The following MYO1B variants were observed in gnomAD, a reference collection of about 807,000 sequenced individuals.
The protein encoded by MYO1B is myosin IB, also known as unconventional myosin-Ib.
In MYO1B, 72 loss-of-function variants were observed where a neutral mutation model predicts 159.7. That is an observed-to-expected ratio of 0.45 (90% CI 0.37 to 0.55). The LOEUF (loss-of-function observed/expected upper bound fraction) is 0.55. Among genes scored for constraint, MYO1B ranks in the 20% least tolerant of loss-of-function variants. The probability of loss-of-function intolerance (pLI) is 0.00; values close to 1 mark genes in which losing one functional copy is unlikely to be tolerated. For synonymous variants in MYO1B, 468 were observed against 473.8 expected, an observed-to-expected ratio of 0.99 and a Z score of 0.16; for missense variants, 1,062 against 1,364.8, an observed-to-expected ratio of 0.78 and a Z score of 3.50.
Position 191,330,010 on chromosome 2 carries a change from A to T in MYO1B, c.327A>T (p.Glu109Asp), listed in dbSNP as rs764502927. ...ACCAATGTATTCTCATTACTGGGGAAAGTGGAGCAGGAAAAACAGGTAAGG... is the reference window on the plus strand; with the variant it reads ...ACCAATGTATTCTCATTACTGGGGATAGTGGAGCAGGAAAAACAGGTAAGG... ...DKDQCILITGESGAGKTEASK... is the reference protein window; with the variant it reads ...DKDQCILITGDSGAGKTEASK... Residue 109 changes from glutamate (E) to aspartate (D), a missense_variant, in exon 4 of 31, where the codon GAA becomes GAT. Coordinates refer to ENST00000392318, the MANE Select transcript of MYO1B (RefSeq NM_001130158.3). 6.2e-7 allele frequency: 1 copy of T among 1,612,056 alleles called. No individual in the cohort carries two copies. The highest frequency in any genetic ancestry group is 1.1e-5 in the South Asian group (1 of 90,914).
At chr2:191,378,741 T>C (rs1163374530) in intron 13 of MYO1B, among the ~76,000 whole-genome samples, 1 of 151,932 alleles carries the variant, frequency 6.6e-6, no homozygotes, top group African/African-American at 2.4e-5. Context: ...GGGGGTGGTA[T>C]GGAGAGAGAA....
intron 30 of MYO1B, chr2:191,416,504 G>A: frequency 4.8e-6 from 2 of 415,346 alleles, no homozygotes; most frequent in Non-Finnish European, 8.7e-6. Context: ...TGTTTATGGA[G>A]GAAAAAAAGG....
Position 191,387,315 on chromosome 2 carries a change from T to C in MYO1B, c.1646T>C (p.Leu549Pro), listed in dbSNP as rs780143808. Residue 549 changes from leucine to proline, a missense_variant, in exon 17 of 31, where the codon CTC becomes CCC. Leu to Pro is a moderately conservative substitution (Grantham distance 98, BLOSUM62 -3). This residue lies in a region of MYO1B where 609 missense variants were observed against 744.4 expected (regional missense o/e 0.82). Coordinates refer to ENST00000392318, the MANE Select transcript of MYO1B (RefSeq NM_001130158.3). ...SQAMWKASHA[L>P]IKSLFPEGNP... ...GCCATGTGGAAGGCCAGCCATGCCC[T>C]CATCAAGTCTTTGTTCCCCGAAGGG... The C allele has an allele frequency of 1.2e-6, 2 of 1,614,194 alleles. No individual in the cohort carries two copies. Among genetic ancestry groups the C allele is most frequent in the Non-Finnish European group, 1.7e-6 (2 of 1,180,030 alleles).
intron 3 of MYO1B, among the ~76,000 whole-genome samples, chr2:191,310,860 A>G (rs1184920307): frequency 6.6e-6 from 1 of 152,214 alleles, no homozygotes; most frequent in African/African-American, 2.4e-5. Context: ...TATGTGTGTA[A>G]ATGCAATTTT....
intron 2 of MYO1B, among the ~76,000 whole-genome samples, chr2:191,286,980 G>A (rs1030870819): frequency 2.6e-5 from 4 of 152,250 alleles, no homozygotes; most frequent in Admixed American, 1.3e-4. Context: ...TTTTTAAGAC[G>A]CTGGTGTGGT....
chr2:191,402,531 A>T, intron 23 of MYO1B, 101 bp from the exon 24 acceptor site: 1 of 942,086 alleles, frequency 1.1e-6, no homozygotes, highest in Admixed American at 2.0e-5. Context: ...TGAAATCCTT[A>T]TTCATAAATT....
chr2:191,358,745 G>A (rs919242213), intron 7 of MYO1B, among the ~76,000 whole-genome samples: 4 of 152,228 alleles, frequency 2.6e-5, no homozygotes, highest in Non-Finnish European at 5.9e-5. Context: ...AAGGTGAGAG[G>A]ACAGCAGCTC....
chr2:191,275,537 G>A (rs1230042079), intron 1 of MYO1B, among the ~76,000 whole-genome samples: 5 of 152,146 alleles, frequency 3.3e-5, no homozygotes, highest in Non-Finnish European at 7.4e-5. Flanking sequence ...AAGACCTACT[G>A]GATGTTCTAG....
At chr2:191,369,160 A>G (rs527932168) in intron 11 of MYO1B, among the ~76,000 whole-genome samples, 1 of 152,272 alleles carries the variant, frequency 6.6e-6, no homozygotes, top group South Asian at 2.1e-4. Context: ...CCATTTCATT[A>G]CCTGATTTTC....
At chr2:191,261,145 C>T (rs1482519884) in intron 1 of MYO1B, among the ~76,000 whole-genome samples, 1 of 152,160 alleles carries the variant, frequency 6.6e-6, no homozygotes, top group East Asian at 1.9e-4. Context: ...AGTTTCTTTT[C>T]CCACCAGTTG....
chr2:191,286,408 A>G (rs1297416025), intron 2 of MYO1B, among the ~76,000 whole-genome samples: 1 of 152,150 alleles, frequency 6.6e-6, no homozygotes, highest in African/African-American at 2.4e-5. Context: ...GTCTAATTAA[A>G]AACACCGTGG....
chr2:191,272,078 T>G (rs116451172), intron 1 of MYO1B, among the ~76,000 whole-genome samples: 32 of 152,360 alleles, frequency 2.1e-4, no homozygotes, highest in African/African-American at 6.3e-4. Flanking sequence ...ATTTTAACTT[T>G]GCAAAAGATA....
intron 1 of MYO1B, among the ~76,000 whole-genome samples, chr2:191,258,169 A>G (rs897934933): frequency 5.3e-5 from 8 of 152,370 alleles, no homozygotes; most frequent in African/African-American, 1.7e-4. Flanking sequence ...TGGGACAGAC[A>G]ACCGTATACA....
chr2:191,307,577 G>C (rs764917866), intron 3 of MYO1B, among the ~76,000 whole-genome samples: 1 of 152,064 alleles, frequency 6.6e-6, no homozygotes, highest in Non-Finnish European at 1.5e-5. Context: ...GAGTTGCTCT[G>C]GTTCGAACAC....
chr2:191,386,177 C>A, intron 16 of MYO1B, 93 bp downstream of exon 16: 1 of 1,147,178 alleles, frequency 8.7e-7, no homozygotes, highest in Non-Finnish European at 1.3e-6. Flanking sequence ...ACCCCATTAA[C>A]TTGTGAGGAC....
Position 191,409,831 on chromosome 2 carries a change from G to A in MYO1B, c.2766+653G>A, listed in dbSNP as rs566984308. Among the ~76,000 whole-genome samples the A allele has an allele frequency of 2.6e-5, 4 of 152,226 alleles. No individual in the cohort carries two copies. In the East Asian group the frequency reaches 7.7e-4, roughly 29 times the overall value. The stretch of plus-strand genomic sequence containing the variant: ...CTTGTATAGATGTTGACCTTACTTC[G>A]ATAACCTAGTCAGTTGATATGTGGA... On this transcript the variant is annotated intron_variant, in intron 26 of 30. Coordinates refer to ENST00000392318, the MANE Select transcript of MYO1B (RefSeq NM_001130158.3).
At chr2:191,398,611 G>A (rs899988303) in intron 21 of MYO1B, among the ~76,000 whole-genome samples, 6 of 146,800 alleles carry the variant, frequency 4.1e-5, no homozygotes, top group South Asian at 2.2e-4. Flanking sequence ...CAGCAGAGGC[G>A]CTCCTCACAT....
In MYO1B at chr2:191,350,234, T is replaced by A; in HGVS notation, c.562+9T>A. The A allele has an allele frequency of 6.2e-7, 1 of 1,604,048 alleles. No homozygotes were observed. ...AGGAGTAATAAGTAACTGTGAGTAT[T>A]TTTCTTCAGTCCTTGTAAAGAAGTT... On this transcript the variant is annotated intron_variant, in intron 7 of 30. Coordinates refer to ENST00000392318, the MANE Select transcript of MYO1B (RefSeq NM_001130158.3).
rs775636039 is a variant in MYO1B, at chr2:191,416,196, A to G, written c.3241A>G (p.Thr1081Ala). ...AATGGCCACCAAGCTCTATCGCACA[A>G]CTCTCAGCCAAACCAAACAGAAGCT... is the stretch of plus-strand genomic sequence containing the variant. ...IEMATKLYRT[T>A]LSQTKQKLNI... Residue 1081 changes from threonine (T) to alanine (A), a missense_variant, in exon 30 of 31, where the codon ACT becomes GCT. By Grantham distance (58) the Thr-to-Ala change is moderately conservative. Around this residue, in one of 5 missense-constraint regions of MYO1B, gnomAD observed 609 missense variants for 744.4 expected, o/e 0.82. Transcript: ENST00000392318. 6.2e-7 allele frequency: 1 copy of G among 1,614,008 alleles called. No homozygotes were observed. Among genetic ancestry groups the G allele is most frequent in the Non-Finnish European group, 8.5e-7 (1 of 1,180,006 alleles).
Sources: gnomAD v4.1 joint callset for allele counts (sites outside exome capture counted in the v4.1 genomes callset) on GRCh38, gnomAD v4.1.1 for gene constraint, gnomAD v4.1.1 regional missense constraint, MANE v1.5 for transcripts, NCBI Gene and HGNC (gene_info 2026-07-23, HGNC 2026-07-21) for gene names.